The following UBE2R2 variants were observed in gnomAD, a reference collection of about 807,000 sequenced individuals.
UBE2R2 encodes ubiquitin-conjugating enzyme E2 R2.
UBE2R2 carries 1 observed loss-of-function variant against 27.8 expected under a neutral mutation model. That is an observed-to-expected ratio of 0.04 (90% CI 0.01 to 0.17). UBE2R2 has a LOEUF of 0.17. UBE2R2 is among the 10% of genes least tolerant of loss of function. UBE2R2 has a pLI of 1.00. For missense variants in UBE2R2, 100 were observed against 291.0 expected (o/e 0.34, Z 4.78); for synonymous variants, 106 against 113.3 (o/e 0.94, Z 0.41).
intron 3 of UBE2R2, among the ~76,000 whole-genome samples, chr9:33,909,370 C>T (rs1374375378): frequency 6.6e-6 from 1 of 152,052 alleles, no homozygotes; most frequent in African/African-American, 2.4e-5. Context: ...CACCTGTAAT[C>T]CTAGCTACTT....
chr9:33,837,394 A>G (rs1007687559), intron 1 of UBE2R2, among the ~76,000 whole-genome samples: 5 of 121,750 alleles, frequency 4.1e-5, no homozygotes, highest in African/African-American at 1.6e-4. Context: ...CCAGCCTCTT[A>G]TTTTCAGTTT....
chr9:33,876,409 AATAGAG>A (rs1476743076), intron 1 of UBE2R2, among the ~76,000 whole-genome samples: 1 of 152,128 alleles, frequency 6.6e-6, no homozygotes, highest in Non-Finnish European at 1.5e-5. Context: ...TAAGTAAAGT[AATAGAG>A]ATAGAGATAA....
chr9:33,890,136 T>TAGC (rs1486166782), intron 2 of UBE2R2, among the ~76,000 whole-genome samples: 2 of 152,074 alleles, frequency 1.3e-5, no homozygotes, highest in Non-Finnish European at 2.9e-5. Flanking sequence ...CCTTTCCACT[T>TAGC]TTTTTTCAGT....
At chr9:33,835,589 G>C (rs1302321474) in intron 1 of UBE2R2, among the ~76,000 whole-genome samples, 2 of 151,908 alleles carry the variant, frequency 1.3e-5, no homozygotes, top group Non-Finnish European at 2.9e-5. Flanking sequence ...GTTTGTTTTT[G>C]AGACAGAGTT....
chr9:33,872,546 G>A (rs1300782638), intron 1 of UBE2R2, among the ~76,000 whole-genome samples: 2 of 152,170 alleles, frequency 1.3e-5, no homozygotes, highest in Non-Finnish European at 2.9e-5. Context: ...CGGCACTTTG[G>A]GAGGCCAAGG....
chr9:33,831,162 C>T (rs1347650257), intron 1 of UBE2R2: 1 of 150,258 alleles, frequency 6.7e-6, no homozygotes. Flanking sequence ...AGACTGGTGG[C>T]TGGGTGTTGT....
intron 1 of UBE2R2, among the ~76,000 whole-genome samples, chr9:33,821,634 T>G (rs1825983176): frequency 6.6e-6 from 1 of 152,052 alleles, no homozygotes; most frequent in African/African-American, 2.4e-5. Context: ...TTTTTTTTTT[T>G]GAGATGGAGT....
chr9:33,873,002 T>A (rs1048951066), intron 1 of UBE2R2, among the ~76,000 whole-genome samples: 7 of 151,450 alleles, frequency 4.6e-5, no homozygotes, highest in African/African-American at 1.7e-4. Context: ...TGGTGAAACC[T>A]CATCTCTACT....
At chr9:33,882,018 AT>A (rs1459886582) in intron 1 of UBE2R2, among the ~76,000 whole-genome samples, 3 of 152,188 alleles carry the variant, frequency 2.0e-5, no homozygotes, top group Non-Finnish European at 4.4e-5. Context: ...ACTTATCAGT[AT>A]GTACTCATTT....
At chr9:33,910,204 G>A (rs1166275475) in intron 3 of UBE2R2, among the ~76,000 whole-genome samples, 1 of 152,118 alleles carries the variant, frequency 6.6e-6, no homozygotes, top group Non-Finnish European at 1.5e-5. Context: ...GAGTACAGTG[G>A]CGTGATCTCA....
chr9:33,822,549 C>T (rs771479332), intron 1 of UBE2R2, among the ~76,000 whole-genome samples: 10 of 151,734 alleles, frequency 6.6e-5, no homozygotes, highest in Non-Finnish European at 7.4e-5. Context: ...GCCTCACCCT[C>T]CTGAGTAGCT....
At chr9:33,905,646 A>G (rs1822337651) in intron 3 of UBE2R2, among the ~76,000 whole-genome samples, 1 of 152,224 alleles carries the variant, frequency 6.6e-6, no homozygotes, top group African/African-American at 2.4e-5. Flanking sequence ...CTTTATAATA[A>G]TGTAAACCCG....
At chr9:33,862,937 C>T (rs1201083442) in intron 1 of UBE2R2, among the ~76,000 whole-genome samples, 2 of 152,138 alleles carry the variant, frequency 1.3e-5, no homozygotes, top group Non-Finnish European at 2.9e-5. Flanking sequence ...TGGTGGCTCA[C>T]ATCTGCTTTG....
chr9:33,827,447 C>G (rs1342936938), intron 1 of UBE2R2, among the ~76,000 whole-genome samples: 1 of 152,140 alleles, frequency 6.6e-6, no homozygotes, highest in Admixed American at 6.6e-5. Context: ...TCGGCACCAG[C>G]CTGGTCAACA....
chr9:33,868,375 G>A (rs903378547), intron 1 of UBE2R2, among the ~76,000 whole-genome samples: 2 of 152,232 alleles, frequency 1.3e-5, no homozygotes, highest in Admixed American at 6.5e-5. Context: ...CAGCCTTTCT[G>A]TCAGTTTGAC....
chr9:33,897,014 C>A (rs1470931087), intron 2 of UBE2R2, among the ~76,000 whole-genome samples: 2 of 119,578 alleles, frequency 1.7e-5, no homozygotes, highest in African/African-American at 6.3e-5. Context: ...TAGCATACTT[C>A]TGTGGCCTAA....
At chr9:33,830,504 T>C (rs902262538) in intron 1 of UBE2R2, among the ~76,000 whole-genome samples, 1 of 146,414 alleles carries the variant, frequency 6.8e-6, no homozygotes, top group Non-Finnish European at 1.5e-5. Flanking sequence ...CGTTGGCTCA[T>C]GCCTGTAATC....
chr9:33,870,422 C>T (rs747538625), intron 1 of UBE2R2, among the ~76,000 whole-genome samples: 2 of 152,146 alleles, frequency 1.3e-5, no homozygotes, highest in South Asian at 2.1e-4. Context: ...AGATTACAGG[C>T]GTGAGTTACC....
chr9:33,874,708 G>C (rs1821565520), intron 1 of UBE2R2, among the ~76,000 whole-genome samples: 1 of 151,756 alleles, frequency 6.6e-6, no homozygotes, highest in South Asian at 2.1e-4. Flanking sequence ...GTCTCGACTT[G>C]TCTCCCATAC....
Sources: gnomAD v4.1 joint callset for allele counts (sites outside exome capture counted in the v4.1 genomes callset) on GRCh38, gnomAD v4.1.1 for gene constraint, MANE v1.5 for transcripts, NCBI Gene and HGNC (gene_info 2026-07-23, HGNC 2026-07-21) for gene names.